Variants in SNRPN observed in about 807,000 individuals in gnomAD.
The protein encoded by SNRPN is small nuclear ribonucleoprotein polypeptide N.
A neutral mutation model predicts 25.2 loss-of-function variants in SNRPN; 7 were observed. The observed-to-expected ratio is 0.28, with a 90% confidence interval of 0.16 to 0.52. SNRPN has a LOEUF of 0.52. SNRPN is among the 20% of genes least tolerant of loss of function. SNRPN has a pLI of 0.96. For synonymous variants in SNRPN, 124 were observed against 110.6 expected, an observed-to-expected ratio of 1.12 and a Z score of -0.76; for missense variants, 196 against 322.5, an observed-to-expected ratio of 0.61 and a Z score of 3.00.
chr15:24,898,998 A>G (rs1566887097), intron 2 of SNRPN, among the ~76,000 whole-genome samples: 2 of 152,198 alleles, frequency 1.3e-5, no homozygotes, highest in Non-Finnish European at 2.9e-5. Flanking sequence ...ATGGTTTAGC[A>G]TTTTCTTTGA....
At chr15:24,830,585 C>T (rs1340479437) in intron 2 of SNRPN, among the ~76,000 whole-genome samples, 2 of 152,056 alleles carry the variant, frequency 1.3e-5, no homozygotes, top group Non-Finnish European at 2.9e-5. Context: ...TAATTTTCCT[C>T]TAAGCTTCCC....
chr15:24,965,348 GC>G (rs950208883), intron 2 of SNRPN, among the ~76,000 whole-genome samples: 7 of 152,034 alleles, frequency 4.6e-5, no homozygotes, highest in Non-Finnish European at 8.8e-5. Context: ...GACCAGCCTG[GC>G]CAACATGGTG....
At chr15:24,903,711 T>C (rs2058610422) in intron 2 of SNRPN, among the ~76,000 whole-genome samples, 1 of 152,146 alleles carries the variant, frequency 6.6e-6, no homozygotes, top group South Asian at 2.1e-4. Context: ...TGAGTTTTAA[T>C]GGGAGAGATA....
chr15:24,843,872 C>G (rs186951722), intron 2 of SNRPN, among the ~76,000 whole-genome samples: 2 of 151,290 alleles, frequency 1.3e-5, no homozygotes, highest in East Asian at 3.9e-4. Flanking sequence ...CCTCATGTGG[C>G]TAGGGCATGA....
At chr15:24,861,412 T>A (rs939845312) in intron 1 of SNRPN, among the ~76,000 whole-genome samples, 1 of 152,158 alleles carries the variant, frequency 6.6e-6, no homozygotes, top group Non-Finnish European at 1.5e-5. Context: ...AAAAAGATGG[T>A]ATAAAACAAA....
At chr15:24,923,028 C>T (rs776076645) in intron 3 of SNRPN, among the ~76,000 whole-genome samples, 25 of 151,208 alleles carry the variant, frequency 1.7e-4, no homozygotes, top group Admixed American at 9.9e-4. Flanking sequence ...GCCTCAGACC[C>T]CCATGTAACT....
At chr15:24,932,363 G>T (rs7169114) in intron 3 of SNRPN, among the ~76,000 whole-genome samples, 2,816 of 151,306 alleles carry the variant, frequency 0.019, 96 homozygotes, top group African/African-American at 0.064. Context: ...GCCTCCCGAG[G>T]AGCTGGCATT....
chr15:24,855,515 C>T (rs766928205), upstream of SNRPN, among the ~76,000 whole-genome samples: 3 of 152,084 alleles, frequency 2.0e-5, no homozygotes, highest in Non-Finnish European at 2.9e-5. Flanking sequence ...TAGGGCCAGG[C>T]GCAGTGGCTC....
At chr15:24,941,292 A>G (rs529824985) in intron 3 of SNRPN, among the ~76,000 whole-genome samples, 30 of 152,200 alleles carry the variant, frequency 2.0e-4, no homozygotes, top group Non-Finnish European at 4.3e-4. Flanking sequence ...ATGACATTTT[A>G]TATACACACA....
intron 3 of SNRPN, among the ~76,000 whole-genome samples, chr15:24,939,067 C>T (rs1014153453): frequency 9.2e-5 from 14 of 152,108 alleles, no homozygotes; most frequent in Admixed American, 4.6e-4. Flanking sequence ...TGGTGATGAA[C>T]GGATCCCAAA....
In SNRPN at chr15:24,976,533, G is replaced by GC. The variant is rs971323567; in HGVS notation, c.267+119dup. 5 of 772,566 alleles carry GC rather than the reference G, an allele frequency of 6.5e-6. No homozygotes were observed. In the African/African-American group the frequency reaches 8.8e-5, roughly 14 times the overall value. 47.9% of individuals were successfully genotyped at this position (772,566 alleles called of 1,614,324 possible). On this transcript the variant is annotated intron_variant, in intron 6 of 9. Coordinates refer to ENST00000390687, the MANE Select transcript of SNRPN (RefSeq NM_003097.6). ...CAACATGGATTGTCAAATAAAATGT[G>GC]CCAGGCACTTAATATCAATTGTTGG...
chr15:24,919,531 C>T (rs554147308), intron 2 of SNRPN, among the ~76,000 whole-genome samples: 16 of 152,044 alleles, frequency 1.1e-4, no homozygotes, highest in African/African-American at 3.9e-4. Context: ...TGGGCTAACT[C>T]CAAACAGCGT....
At chr15:24,833,905 T>G (rs976148125) in intron 2 of SNRPN, among the ~76,000 whole-genome samples, 4 of 152,060 alleles carry the variant, frequency 2.6e-5, no homozygotes, top group Admixed American at 2.6e-4. Flanking sequence ...CTGGGGAGGA[T>G]GTTCAAGACC....
chr15:24,962,618 G>C (rs1009171887), intron 2 of SNRPN, among the ~76,000 whole-genome samples: 1 of 152,010 alleles, frequency 6.6e-6, no homozygotes, highest in Non-Finnish European at 1.5e-5. Flanking sequence ...CATTTATTCT[G>C]TTAAAATTTA....
In SNRPN at chr15:24,978,595, A is replaced by G. The variant is rs1345903413; in HGVS notation, c.*151A>G. On this transcript the variant is annotated 3_prime_UTR_variant, in exon 10 of 10. Transcript: ENST00000390687. ...CAATTAAACTGTGAGGTACTGTTGT[A>G]TATATTTTTTTGCCTGTTGATTTTG... The G allele has an allele frequency of 7.9e-6, 6 of 756,406 alleles. No homozygotes were observed. The highest frequency in any genetic ancestry group is 1.3e-5 in the Non-Finnish European group (6 of 451,464). The allele number at this position is 756,406 out of a possible 1,614,324, so 46.9% of individuals were successfully genotyped here.
chr15:24,975,526 C>T lies in SNRPN; in HGVS notation c.155+17C>T. 6.2e-7 allele frequency: 1 copy of T among 1,607,926 alleles called. No homozygotes were observed. The highest frequency in any genetic ancestry group is 8.5e-7 in the Non-Finnish European group (1 of 1,176,326). On this transcript the variant is annotated intron_variant, in intron 5 of 9. Transcript: ENST00000390687. ...AAAGATCAAGTAAGGCTGATTTGGGCAAATGGGGGTTGGACACAGAGGCAG... is the reference window on the plus strand; with the variant it reads ...AAAGATCAAGTAAGGCTGATTTGGGTAAATGGGGGTTGGACACAGAGGCAG...
At chr15:24,924,368 G>A (rs916753493) in intron 3 of SNRPN, among the ~76,000 whole-genome samples, 3 of 151,994 alleles carry the variant, frequency 2.0e-5, no homozygotes, top group African/African-American at 7.2e-5. Context: ...CAAAGTCTGC[G>A]TGTGTTATCA....
At chr15:24,902,657 G>C (rs1237601002) in intron 2 of SNRPN, among the ~76,000 whole-genome samples, 1 of 152,150 alleles carries the variant, frequency 6.6e-6, no homozygotes, top group South Asian at 2.1e-4. Context: ...TCGTGGTCTT[G>C]CTGACTTCAG....
At chr15:24,935,851 G>A (rs759949422) in intron 3 of SNRPN, among the ~76,000 whole-genome samples, 2 of 152,118 alleles carry the variant, frequency 1.3e-5, no homozygotes, top group Non-Finnish European at 2.9e-5. Flanking sequence ...GGGTGCGGTG[G>A]CTCACCCCTG....
Sources: gnomAD v4.1 joint callset for allele counts (sites outside exome capture counted in the v4.1 genomes callset) on GRCh38, gnomAD v4.1.1 for gene constraint, MANE v1.5 for transcripts, NCBI Gene and HGNC (gene_info 2026-07-23, HGNC 2026-07-21) for gene names.